Variants in GALNTL6 observed in about 807,000 individuals in gnomAD.
GALNTL6 encodes the protein polypeptide N-acetylgalactosaminyltransferase-like 6.
In GALNTL6, 46 loss-of-function variants were observed where a neutral mutation model predicts 73.7. The observed-to-expected ratio is 0.62, with a 90% CI of 0.49 to 0.80. GALNTL6 has a LOEUF of 0.80. Ranked by LOEUF, GALNTL6 falls within the 30% of genes least tolerant of loss-of-function variation. The pLI is 0.00. For missense variants in GALNTL6, 604 were observed against 755.0 expected (o/e 0.80, Z 2.34); for synonymous variants, 259 against 263.7 (o/e 0.98, Z 0.17).
intron 2 of GALNTL6, among the ~76,000 whole-genome samples, chr4:171,889,719 T>A (rs76060656): frequency 0.011 from 1,656 of 152,150 alleles, 33 homozygotes; most frequent in African/African-American, 0.038. Context: ...CAAACTTTCT[T>A]GTAACATAGA....
At chr4:172,934,995 C>A (rs111266206) in intron 9 of GALNTL6, among the ~76,000 whole-genome samples, 1,720 of 152,318 alleles carry the variant, frequency 0.011, 15 homozygotes, top group Non-Finnish European at 0.02. Context: ...TGTTCAGGAA[C>A]AATCAAAGCC....
intron 5 of GALNTL6, among the ~76,000 whole-genome samples, chr4:172,698,441 C>T (rs749416013): frequency 6.6e-6 from 1 of 152,132 alleles, no homozygotes; most frequent in Non-Finnish European, 1.5e-5. Context: ...ATCTACCCTC[C>T]ACTCAGTCTC....
intron 2 of GALNTL6, among the ~76,000 whole-genome samples, chr4:171,949,695 G>A (rs767065777): frequency 6.6e-6 from 1 of 152,024 alleles, no homozygotes; most frequent in Non-Finnish European, 1.5e-5. Context: ...AAAAATGACA[G>A]CAGAGAAAAA....
intron 8 of GALNTL6, among the ~76,000 whole-genome samples, chr4:172,884,641 T>G (rs923661813): frequency 6.6e-6 from 1 of 152,164 alleles, no homozygotes; most frequent in Non-Finnish European, 1.5e-5. Context: ...ATTTGTCTAT[T>G]TTTGCTTTTG....
chr4:172,428,266 G>A (rs1387051015), intron 5 of GALNTL6, among the ~76,000 whole-genome samples: 1 of 152,052 alleles, frequency 6.6e-6, no homozygotes, highest in African/African-American at 2.4e-5. Context: ...GTTAAGACAT[G>A]AATTTTAGGT....
At chr4:172,209,573 T>C (rs36021176) in intron 2 of GALNTL6, among the ~76,000 whole-genome samples, 2,184 of 152,024 alleles carry the variant, frequency 0.014, 56 homozygotes, top group African/African-American at 0.05. Context: ...CAAAGGCAAA[T>C]GAACATTAGC....
intron 5 of GALNTL6, among the ~76,000 whole-genome samples, chr4:172,592,945 CT>C (rs142325829): frequency 0.031 from 4,704 of 151,802 alleles, 113 homozygotes; most frequent in South Asian, 0.086. Flanking sequence ...TTATGGCTAG[CT>C]TTTTTTTATC....
intron 5 of GALNTL6, among the ~76,000 whole-genome samples, chr4:172,529,975 C>G (rs927900701): frequency 2.0e-5 from 3 of 151,602 alleles, no homozygotes; most frequent in African/African-American, 7.3e-5. Context: ...CTCCTGACCT[C>G]AGGTGATCCA....
intron 5 of GALNTL6, among the ~76,000 whole-genome samples, chr4:172,571,693 A>C (rs895448213): frequency 6.6e-6 from 1 of 152,208 alleles, no homozygotes; most frequent in Non-Finnish European, 1.5e-5. Context: ...AATTGAAGAC[A>C]AAAAAAGCAC....
intron 5 of GALNTL6, among the ~76,000 whole-genome samples, chr4:172,730,670 T>C (rs1443809329): frequency 1.3e-5 from 2 of 152,190 alleles, no homozygotes; most frequent in African/African-American, 4.8e-5. Flanking sequence ...TTCAGCGATA[T>C]TGGCCTGTAG....
In GALNTL6 at chr4:171,874,200, T is replaced by C. The variant is rs190216064; in HGVS notation, c.138+59482T>C. On this transcript the variant is annotated intron_variant, in intron 2 of 12. Coordinates refer to ENST00000506823, the MANE Select transcript of GALNTL6 (RefSeq NM_001034845.3). ...TCAAGGACTGACTCTCATTTTTTGT[T>C]TTTTGTTTGTTTGTCTGTTTTTGAC... Among the ~76,000 whole-genome samples, 670 of 152,310 alleles carry C rather than the reference T, an allele frequency of 4.4e-3. 1 individual carries two copies. Among genetic ancestry groups the C allele is most frequent in the Non-Finnish European group, 7.6e-3 (514 of 68,024 alleles).
intron 5 of GALNTL6, among the ~76,000 whole-genome samples, chr4:172,362,507 T>G (rs1742408217): frequency 6.6e-6 from 1 of 152,110 alleles, no homozygotes; most frequent in Non-Finnish European, 1.5e-5. Flanking sequence ...TTCCTTGGGC[T>G]TCTCTTCTGC....
chr4:172,324,536 G>A (rs539980998), intron 4 of GALNTL6, among the ~76,000 whole-genome samples: 8 of 151,040 alleles, frequency 5.3e-5, no homozygotes, highest in Middle Eastern at 5.4e-3. Flanking sequence ...AAATTAAGTC[G>A]GAATATAGGA....
At chr4:172,566,844 G>A (rs75412893) in intron 5 of GALNTL6, among the ~76,000 whole-genome samples, 4,056 of 151,756 alleles carry the variant, frequency 0.027, 182 homozygotes, top group African/African-American at 0.092. Flanking sequence ...TGCAACTGAC[G>A]CCACAGAAAC....
intron 5 of GALNTL6, among the ~76,000 whole-genome samples, chr4:172,466,226 C>T (rs539105095): frequency 7.2e-5 from 11 of 152,084 alleles, no homozygotes; most frequent in South Asian, 4.2e-4. Flanking sequence ...TCCTAAAAAG[C>T]GTTTCTTTTA....
At chr4:172,592,666 G>GTCTATCTATCTATCTA (rs771397583) in intron 5 of GALNTL6, among the ~76,000 whole-genome samples, 1 of 109,296 alleles carries the variant, frequency 9.1e-6, no homozygotes, top group Non-Finnish European at 2.1e-5. Context: ...CTGTCTGTCT[G>GTCTATCTATCTATCTA]TCTGTCTATC....
At chr4:172,893,352 G>C (rs1044779015) in intron 8 of GALNTL6, among the ~76,000 whole-genome samples, 3 of 151,864 alleles carry the variant, frequency 2.0e-5, no homozygotes, top group South Asian at 4.2e-4. Context: ...TGGCGGGGGG[G>C]GGGTCTTCCC....
intron 8 of GALNTL6, among the ~76,000 whole-genome samples, chr4:172,887,722 C>G (rs912981078): frequency 4.6e-5 from 7 of 152,034 alleles, no homozygotes; most frequent in Admixed American, 4.6e-4. Context: ...TGCCACCATG[C>G]CTGGCTAATT....
At chr4:172,878,520 T>A (rs2111181939) in intron 7 of GALNTL6, among the ~76,000 whole-genome samples, 1 of 151,878 alleles carries the variant, frequency 6.6e-6, no homozygotes, top group African/African-American at 2.4e-5. Context: ...CTCTCAAAAG[T>A]TTTTTATAGT....
Sources: gnomAD v4.1 joint callset for allele counts (sites outside exome capture counted in the v4.1 genomes callset) on GRCh38, gnomAD v4.1.1 for gene constraint, MANE v1.5 for transcripts, NCBI Gene and HGNC (gene_info 2026-07-23, HGNC 2026-07-21) for gene names.